FAT3: variants seen among roughly 807,000 people sequenced by gnomAD.
FAT3 encodes FAT atypical cadherin 3.
Under a neutral mutation model 310.2 loss-of-function variants are expected in FAT3, and 95 were observed. That is an observed-to-expected ratio of 0.31 (90% CI 0.26 to 0.36). The LOEUF is 0.36. FAT3 is among the 10% of genes least tolerant of loss of function. FAT3 has a pLI of 1.00. For synonymous variants in FAT3, 2,314 were observed against 2,192.9 expected (o/e 1.06, Z -1.54); for missense variants, 5,408 against 5,715.6 (o/e 0.95, Z 1.74).
At chr11:92,631,830 T>C (rs1159604045) in intron 3 of FAT3, among the ~76,000 whole-genome samples, 1 of 152,130 alleles carries the variant, frequency 6.6e-6, no homozygotes, top group Non-Finnish European at 1.5e-5. Context: ...GAGCGCCTTG[T>C]CCAGTGAGCC....
chr11:92,257,159 A>G (rs913398694), intron 1 of FAT3, among the ~76,000 whole-genome samples: 6 of 152,134 alleles, frequency 3.9e-5, no homozygotes, highest in East Asian at 1.9e-4. Context: ...CCCATGTGCT[A>G]AGACTTGTGG....
At chr11:92,438,450 A>G (rs1172376160) in intron 2 of FAT3, among the ~76,000 whole-genome samples, 1 of 152,222 alleles carries the variant, frequency 6.6e-6, no homozygotes, top group Non-Finnish European at 1.5e-5. Flanking sequence ...AAATATACAT[A>G]GCATTACATT....
intron 4 of FAT3, among the ~76,000 whole-genome samples, chr11:92,753,657 G>T (rs1424065717): frequency 6.6e-6 from 1 of 151,914 alleles, no homozygotes; most frequent in African/African-American, 2.4e-5. Flanking sequence ...TAGTATGGAG[G>T]TTCCTCAAAA....
chr11:92,228,996 A>C (rs1864035778), intron 1 of FAT3, among the ~76,000 whole-genome samples: 1 of 152,202 alleles, frequency 6.6e-6, no homozygotes, highest in African/African-American at 2.4e-5. Context: ...TTGATGAACC[A>C]CTTCTTTGCT....
intron 6 of FAT3, among the ~76,000 whole-genome samples, chr11:92,766,266 G>C (rs1946306768): frequency 6.6e-6 from 1 of 152,184 alleles, no homozygotes; most frequent in African/African-American, 2.4e-5. Flanking sequence ...CTAAAACAGA[G>C]GGGAGAGTGT....
At chr11:92,705,469 G>GTGATA (rs1944263287) in intron 4 of FAT3, among the ~76,000 whole-genome samples, 2 of 126,764 alleles carry the variant, frequency 1.6e-5, no homozygotes, top group Admixed American at 7.9e-5. Flanking sequence ...TGATGGTGGT[G>GTGATA]GTGGTGTGAT....
intron 22 of FAT3, among the ~76,000 whole-genome samples, chr11:92,879,658 T>A (rs974262476): frequency 2.6e-5 from 4 of 152,146 alleles, no homozygotes; most frequent in Non-Finnish European, 4.4e-5. Flanking sequence ...ATTATAATAC[T>A]ATAATATATT....
At chr11:92,825,797 A>T (rs963179174) in intron 13 of FAT3, among the ~76,000 whole-genome samples, 1 of 152,112 alleles carries the variant, frequency 6.6e-6, no homozygotes, top group Non-Finnish European at 1.5e-5. Flanking sequence ...AGGACAGGGT[A>T]TCAACTCTGC....
intron 1 of FAT3, among the ~76,000 whole-genome samples, chr11:92,239,101 A>G (rs919332724): frequency 6.6e-6 from 1 of 152,116 alleles, no homozygotes; most frequent in African/African-American, 2.4e-5. Flanking sequence ...TCTCTACTAA[A>G]GAAATTGAGG....
intron 2 of FAT3, 144 bp from the exon 3 acceptor site, chr11:92,524,486 AGAGT>A: frequency 1.5e-6 from 1 of 652,894 alleles, no homozygotes. Flanking sequence ...TCTTATGTAA[AGAGT>A]GACATCTTAA....
chr11:92,285,844 G>A (rs1475217216), intron 1 of FAT3, among the ~76,000 whole-genome samples: 1 of 152,140 alleles, frequency 6.6e-6, no homozygotes, highest in Non-Finnish European at 1.5e-5. Flanking sequence ...GCAGAGGGTA[G>A]AAATGGCAAT....
intron 3 of FAT3, among the ~76,000 whole-genome samples, chr11:92,638,407 T>C (rs72958553): frequency 6.6e-6 from 1 of 152,220 alleles, no homozygotes; most frequent in East Asian, 1.9e-4. Flanking sequence ...ATCTCCAGTG[T>C]ATTCCACTGT....
In FAT3 at chr11:92,893,002, G is replaced by A. The variant is rs907412182; in HGVS notation, c.*1889G>A. ...CATATTTGCACTATCTGCTTAATGA[G>A]CAAATCTGTGTCCACAGTTTCTGAT... On this transcript the variant is annotated 3_prime_UTR_variant, in exon 28 of 28. Coordinates refer to ENST00000525166, the MANE Select transcript of FAT3 (RefSeq NM_001367949.2). 2 of 152,182 alleles carry A rather than the reference G, an allele frequency of 1.3e-5. No individual in the cohort carries two copies. Among genetic ancestry groups the A allele is most frequent in the Non-Finnish European group, 2.9e-5 (2 of 68,034 alleles). 9.4% of individuals were successfully genotyped at this position (152,182 alleles called of 1,614,324 possible).
chr11:92,299,664 A>G (rs1360462003), intron 1 of FAT3, among the ~76,000 whole-genome samples: 1 of 152,104 alleles, frequency 6.6e-6, no homozygotes, highest in Non-Finnish European at 1.5e-5. Context: ...AGTAGAAGTG[A>G]TTATCAAGCT....
chr11:92,844,568 G>T lies in FAT3; in HGVS notation c.11201G>T (p.Arg3734Leu), dbSNP rs756718203. 4 of 1,613,956 alleles carry T rather than the reference G, an allele frequency of 2.5e-6. No homozygotes were observed. The highest frequency in any genetic ancestry group is 1.3e-5 in the African/African-American group (1 of 75,052). The change falls in exon 19 of 28, where the codon CGC (arginine) becomes CTC (leucine). Residue 3734 changes from arginine to leucine, a missense_variant. By Grantham distance (102) the Arg-to-Leu change is moderately radical. Coordinates refer to ENST00000525166, the MANE Select transcript of FAT3 (RefSeq NM_001367949.2). The stretch of plus-strand genomic sequence containing the variant: ...AGAAGACACCTGGAGAATATCATGC[G>T]CATCTCAGCCATCTTGGAGAAGAAC... ...NARRHLENIM[R>L]ISAILEKNCS... is the part of the protein sequence containing the mutation.
chr11:92,381,003 C>A (rs536760947), intron 2 of FAT3, among the ~76,000 whole-genome samples: 2 of 152,314 alleles, frequency 1.3e-5, no homozygotes, highest in South Asian at 4.1e-4. Context: ...ATCACCCATA[C>A]CCATTAAACT....
chr11:92,240,913 C>T (rs1038716099), intron 1 of FAT3, among the ~76,000 whole-genome samples: 1 of 152,006 alleles, frequency 6.6e-6, no homozygotes, highest in Non-Finnish European at 1.5e-5. Flanking sequence ...TTATAATCCA[C>T]ATCCTTGTAG....
chr11:92,833,882 G>T (rs770607670), intron 14 of FAT3, among the ~76,000 whole-genome samples: 18 of 152,150 alleles, frequency 1.2e-4, no homozygotes, highest in Non-Finnish European at 2.1e-4. Context: ...CACTAGGGGT[G>T]GTAAGTTCCA....
intron 3 of FAT3, among the ~76,000 whole-genome samples, chr11:92,568,048 TAAA>T (rs201604206): frequency 6.6e-6 from 1 of 151,258 alleles, no homozygotes; most frequent in Admixed American, 6.6e-5. Context: ...ATAATAATAA[TAAA>T]AAAAAATTCA....
Sources: allele counts gnomAD v4.1 joint callset (sites outside exome capture counted in the v4.1 genomes callset), GRCh38; gene constraint gnomAD v4.1.1; transcripts MANE v1.5; gene names NCBI Gene and HGNC (gene_info 2026-07-23, HGNC 2026-07-21).